Variants in MCUB observed in about 807,000 individuals in gnomAD.
MCUB encodes mitochondrial calcium uniporter dominant negative subunit beta, also known as calcium uniporter regulatory subunit MCUb, mitochondrial.
A neutral mutation model predicts 41.4 loss-of-function variants in MCUB; 46 were observed. The ratio of observed to expected loss-of-function variants is 1.11; its 90% CI spans 0.88 to 1.42. MCUB has a LOEUF of 1.42. Ranked by LOEUF, MCUB falls within the 40% of genes most tolerant of loss-of-function variation. MCUB has a pLI of 0.00. For synonymous variants in MCUB, 148 were observed against 148.2 expected (o/e 1.00, Z 0.01); for missense variants, 403 against 404.9 (o/e 1.00, Z 0.04).
intron 1 of MCUB, among the ~76,000 whole-genome samples, chr4:109,629,810 C>G (rs1728435915): frequency 6.6e-6 from 1 of 152,222 alleles, no homozygotes; most frequent in Non-Finnish European, 1.5e-5. Context: ...GCTCTCCAAA[C>G]ACAGTCCTTT....
At chr4:109,565,598 C>T (rs1427393549) in intron 1 of MCUB, among the ~76,000 whole-genome samples, 1 of 151,952 alleles carries the variant, frequency 6.6e-6, no homozygotes, top group African/African-American at 2.4e-5. Flanking sequence ...AAAGTAAATG[C>T]GATAAAAAAA....
chr4:109,617,352 T>C (rs921036288), intron 1 of MCUB, among the ~76,000 whole-genome samples: 3 of 152,232 alleles, frequency 2.0e-5, no homozygotes, highest in Non-Finnish European at 4.4e-5. Context: ...TACACGTTTT[T>C]AGCACCCATC....
rs890609374 is a variant in MCUB at position 109,641,990 on chromosome 4, G to A, written c.100-17021G>A. Reference sequence around the variant, plus strand: ...GTATTCATTTAAATAGTTTATGTCTGTATACAAAATTCTATGGTCTAGATG... The same window carrying A: ...GTATTCATTTAAATAGTTTATGTCTATATACAAAATTCTATGGTCTAGATG... On this transcript the variant is annotated intron_variant, in intron 1 of 7. Transcript: ENST00000394650. Among the ~76,000 whole-genome samples the A allele has an allele frequency of 2.2e-4, 33 of 152,156 alleles. 1 individual carries two copies. The highest frequency in any genetic ancestry group is 5.9e-5 in the Non-Finnish European group (4 of 68,036).
intron 1 of MCUB, among the ~76,000 whole-genome samples, chr4:109,601,340 T>C (rs1311862652): frequency 2.6e-5 from 4 of 152,162 alleles, no homozygotes; most frequent in Admixed American, 1.3e-4. Context: ...GGTCTTATTC[T>C]TTCTAACTTT....
chr4:109,682,195 G>T (rs952329745), intron 4 of MCUB, among the ~76,000 whole-genome samples: 1 of 152,208 alleles, frequency 6.6e-6, no homozygotes, highest in South Asian at 2.1e-4. Flanking sequence ...TCTCTCACGA[G>T]GTCTTTGTAA....
chr4:109,562,675 T>C (rs898853807), intron 1 of MCUB, among the ~76,000 whole-genome samples: 7 of 152,212 alleles, frequency 4.6e-5, no homozygotes, highest in Non-Finnish European at 1.0e-4. Flanking sequence ...GTTTGTGACC[T>C]GACAGCTCAT....
At chr4:109,678,908 C>A (rs553658197) in intron 4 of MCUB, among the ~76,000 whole-genome samples, 3 of 141,420 alleles carry the variant, frequency 2.1e-5, no homozygotes, top group Non-Finnish European at 3.0e-5. Context: ...GGGTGGCGGC[C>A]GGGCAGAGGC....
chr4:109,593,672 A>C (rs911579132), intron 1 of MCUB, among the ~76,000 whole-genome samples: 3 of 152,258 alleles, frequency 2.0e-5, no homozygotes, highest in Non-Finnish European at 4.4e-5. Flanking sequence ...TCTATAATTA[A>C]GAAAACCTGA....
chr4:109,684,042 A>G (rs187645841), intron 5 of MCUB, among the ~76,000 whole-genome samples: 1 of 149,938 alleles, frequency 6.7e-6, no homozygotes, highest in Non-Finnish European at 1.5e-5. Flanking sequence ...GCAGATGTGC[A>G]TTTGTTCAAG....
At chr4:109,563,063 A>G (rs1464212825) in intron 1 of MCUB, among the ~76,000 whole-genome samples, 1 of 152,230 alleles carries the variant, frequency 6.6e-6, no homozygotes, top group African/African-American at 2.4e-5. Flanking sequence ...AGTGGTTGTC[A>G]GGGCAATCCA....
chr4:109,567,131 C>CAAAAAAAAAAAAAAAAA (rs397994929), intron 1 of MCUB, among the ~76,000 whole-genome samples: 1 of 56,000 alleles, frequency 1.8e-5, no homozygotes. Context: ...GACTCCATCT[C>CAAAAAAAAAAAAAAAAA]AAAAAAAAAA....
At chr4:109,596,067 A>AT (rs1727549757) in intron 1 of MCUB, among the ~76,000 whole-genome samples, 2 of 101,884 alleles carry the variant, frequency 2.0e-5, no homozygotes, top group Non-Finnish European at 3.8e-5. Context: ...AGAATCAGCC[A>AT]AATATTGCCT....
chr4:109,612,534 A>G (rs1028283664), intron 1 of MCUB, among the ~76,000 whole-genome samples: 2 of 151,976 alleles, frequency 1.3e-5, no homozygotes, highest in Non-Finnish European at 2.9e-5. Context: ...CCAAAGTGCT[A>G]GGATTATAGG....
chr4:109,575,688 C>T (rs1303481687), intron 1 of MCUB, among the ~76,000 whole-genome samples: 1 of 152,088 alleles, frequency 6.6e-6, no homozygotes, highest in African/African-American at 2.4e-5. Context: ...GAAAATATAC[C>T]ACCTTAATGT....
chr4:109,610,465 T>C (rs1727981321), intron 1 of MCUB, among the ~76,000 whole-genome samples: 1 of 152,208 alleles, frequency 6.6e-6, no homozygotes, highest in South Asian at 2.1e-4. Context: ...AGCTTTTCTC[T>C]AAGACGAATA....
chr4:109,641,422 T>C (rs1728713909), intron 1 of MCUB, among the ~76,000 whole-genome samples: 1 of 152,000 alleles, frequency 6.6e-6, no homozygotes, highest in Non-Finnish European at 1.5e-5. Flanking sequence ...ACAATATTAA[T>C]TAATTAAGTT....
chr4:109,628,481 GA>G (rs1435124494), intron 1 of MCUB, among the ~76,000 whole-genome samples: 4 of 152,224 alleles, frequency 2.6e-5, no homozygotes, highest in African/African-American at 9.6e-5. Flanking sequence ...GGCAAGAGTA[GA>G]AGCCAGGAAA....
At chr4:109,616,420 A>G (rs1404885026) in intron 1 of MCUB, among the ~76,000 whole-genome samples, 1 of 152,222 alleles carries the variant, frequency 6.6e-6, no homozygotes, top group South Asian at 2.1e-4. Flanking sequence ...AATATGCACA[A>G]TAGGGCTGTA....
chr4:109,655,548 C>T (rs1197685051), intron 1 of MCUB, among the ~76,000 whole-genome samples: 2 of 152,098 alleles, frequency 1.3e-5, no homozygotes, highest in Non-Finnish European at 2.9e-5. Flanking sequence ...ACTTCAATCG[C>T]TCGTGAAATT....
Sources: gnomAD v4.1 joint callset for allele counts (sites outside exome capture counted in the v4.1 genomes callset) on GRCh38, gnomAD v4.1.1 for gene constraint, MANE v1.5 for transcripts, NCBI Gene and HGNC (gene_info 2026-07-23, HGNC 2026-07-21) for gene names.